Variants in SENP3 observed in about 807,000 individuals in gnomAD.
SENP3 encodes sentrin-specific protease 3.
A neutral mutation model predicts 66.2 loss-of-function variants in SENP3; 11 were observed. The observed-to-expected ratio is 0.17, with a 90% CI of 0.10 to 0.28. The LOEUF (loss-of-function observed/expected upper bound fraction) is 0.28. Among genes scored for constraint, SENP3 ranks in the 10% least tolerant of loss-of-function variants. The probability of loss-of-function intolerance (pLI) is 1.00; values close to 1 mark genes in which losing one functional copy is unlikely to be tolerated. For missense variants in SENP3, 548 were observed against 743.7 expected (o/e 0.74, Z 3.06); for synonymous variants, 292 against 277.6 (o/e 1.05, Z -0.52).
At chr17:7,568,010 C>T (rs545332418) in intron 7 of SENP3, among the ~76,000 whole-genome samples, 8 of 151,066 alleles carry the variant, frequency 5.3e-5, no homozygotes, top group East Asian at 1.9e-4. Context: ...ATAAATTTTA[C>T]GAGTAAAACC....
intron 4 of SENP3, 57 bp downstream of exon 4, chr17:7,565,127 A>C: frequency 7.9e-7 from 1 of 1,272,730 alleles, no homozygotes; most frequent in South Asian, 1.2e-5. Context: ...ATGTGGAGAG[A>C]ATACTGCTGC....
In SENP3 at chr17:7,564,247, A is replaced by G. The variant is rs985556327; in HGVS notation, c.716-378A>G. On this transcript the variant is annotated intron_variant, in intron 2 of 10. Coordinates refer to ENST00000321337, the MANE Select transcript of SENP3 (RefSeq NM_015670.6). ...ATTTCCCTTTCGGAGAACTCCAGCC[A>G]AACAGTTTCAGGCTCTCTAGGTCTT... The G allele has an allele frequency of 1.2e-5, 5 of 403,668 alleles. No homozygotes were observed. The Admixed American group carries it at 1.8e-4, about 15-fold the overall frequency. The allele number at this position is 403,668 out of a possible 1,614,324, so 25.0% of individuals were successfully genotyped here.
intron 6 of SENP3, 71 bp downstream of exon 6, chr17:7,565,835 C>T (rs1225166421): frequency 7.5e-7 from 1 of 1,325,470 alleles, no homozygotes; most frequent in Non-Finnish European, 1.1e-6. Context: ...AAGCTCCTTT[C>T]ATCTCTTTCA....
At chr17:7,565,261 C>T in intron 4 of SENP3, 179 bp from the exon 5 acceptor site, 1 of 834,484 alleles carries the variant, frequency 1.2e-6, no homozygotes, top group Non-Finnish European at 1.9e-6. Context: ...CTGAAATGTT[C>T]TACCTGAGTA....
Position 7,571,382 on chromosome 17 carries a change from C to T in SENP3, c.1624C>T (p.His542Tyr). 6.2e-7 allele frequency: 1 copy of T among 1,613,548 alleles called. No individual in the cohort carries two copies. Among genetic ancestry groups the T allele is most frequent in the South Asian group, 1.1e-5 (1 of 91,074 alleles). The change falls in exon 11 of 11, where the codon CAT becomes TAT. Residue 542 changes from histidine (H) to tyrosine (Y), a missense_variant. By Grantham distance (83) the His-to-Tyr change is moderately conservative. Transcript: ENST00000321337. ...CTTTGTTAACACCCAGTACTGCAAG[C>T]ATCTGGCCCTGTCTCAGCCATTCAG... Reference protein sequence around the residue: ...CGAFVLQYCKHLALSQPFSFT... With the variant: ...CGAFVLQYCKYLALSQPFSFT...
rs770669994 is a variant in SENP3 at position 7,564,699 on chromosome 17, C to G, written c.790C>G (p.Pro264Ala). The G allele has an allele frequency of 1.9e-6, 3 of 1,613,908 alleles. No homozygotes were observed. The highest frequency in any genetic ancestry group is 2.2e-5 in the South Asian group (2 of 91,092). The change falls in exon 3 of 11, where the codon CCT (proline) becomes GCT (alanine). Residue 264 changes from proline (P) to alanine (A), a missense_variant. Pro to Ala is a conservative substitution (Grantham distance 27). Around this residue, in one of 6 missense-constraint regions of SENP3, gnomAD observed 215 missense variants for 230.7 expected, o/e 0.93. Transcript: ENST00000321337. ...GPEGERSLAPPDASILISNVC... is the reference protein window; with the variant it reads ...GPEGERSLAPADASILISNVC... ...AGAAGGGGAGCGCAGCTTGGCACCCCCTGATGCCAGCATCCTCATCAGCAA... is the reference window on the plus strand; with the variant it reads ...AGAAGGGGAGCGCAGCTTGGCACCCGCTGATGCCAGCATCCTCATCAGCAA...
chr17:7,570,538 A>G lies in SENP3; in HGVS notation c.1479+45A>G. On this transcript the variant is annotated intron_variant, in intron 8 of 10. Transcript: ENST00000321337. The surrounding 1 kb of genome is among the most constrained non-coding windows in gnomAD (Gnocchi z 5.4). ...AGATGGGCAAAATGTGGGGCGGTGC[A>G]GTGGCAAGGCATTGCAGGAAGAAGG... 2 of 1,595,690 alleles carry G rather than the reference A, an allele frequency of 1.3e-6. No individual in the cohort carries two copies. Among genetic ancestry groups the G allele is most frequent in the Non-Finnish European group, 1.7e-6 (2 of 1,169,794 alleles).
At chr17:7,564,281 A>G in intron 2 of SENP3, 1 of 426,032 alleles carries the variant, frequency 2.3e-6, no homozygotes, top group Non-Finnish European at 4.4e-6. Flanking sequence ...TTTATTACAT[A>G]TTCTAGTATT....
chr17:7,571,572 C>T lies in SENP3; in HGVS notation c.*89C>T. On this transcript the variant is annotated 3_prime_UTR_variant, in exon 11 of 11. Transcript: ENST00000321337. ...AACTCCAGTTCCTTTCCTCTCTTGC[C>T]TCTTCCCACTCACTTCCCTTTGGTT... is the stretch of plus-strand genomic sequence containing the variant. The T allele has an allele frequency of 3.8e-6, 3 of 789,856 alleles. No individual in the cohort carries two copies. Among genetic ancestry groups the T allele is most frequent in the South Asian group, 1.5e-5 (1 of 65,144 alleles). The allele number at this position is 789,856 out of a possible 1,614,324, so 48.9% of individuals were successfully genotyped here. A position where few individuals can be genotyped will look rare whatever the true frequency, so the allele number is the denominator to read the frequency against.
In SENP3 at chr17:7,571,867, A is replaced by T. The variant is rs1597843918; in HGVS notation, c.*384A>T. ...TATATATATATATATATATATATAT[A>T]TATATATATATATATATATATATAT... On this transcript the variant is annotated 3_prime_UTR_variant, in exon 11 of 11. Transcript: ENST00000321337. 1.0e-3 allele frequency: 5 copies of T among 4,896 alleles called. No individual in the cohort carries two copies. The highest frequency in any genetic ancestry group is 2.9e-3 in the Admixed American group (2 of 680). 0.3% of individuals were successfully genotyped at this position (4,896 alleles called of 1,614,324 possible).
intron 7 of SENP3, among the ~76,000 whole-genome samples, chr17:7,569,251 G>A (rs1253444709): frequency 1.3e-5 from 2 of 151,990 alleles, no homozygotes; most frequent in Non-Finnish European, 2.9e-5. Flanking sequence ...CGGGCGAGGT[G>A]GCACGTGTCT....
chr17:7,571,669 A>T lies in SENP3; in HGVS notation c.*186A>T. The T allele has an allele frequency of 2.0e-6, 1 of 511,848 alleles. No individual in the cohort carries two copies. The highest frequency in any genetic ancestry group is 2.1e-5 in the South Asian group (1 of 47,194). The allele number at this position is 511,848 out of a possible 1,614,324, so 31.7% of individuals were successfully genotyped here. A position where few individuals can be genotyped will look rare whatever the true frequency, so the allele number is the denominator to read the frequency against. ...GAATACTTGTTGATTTCTGATGTGC[A>T]GGGGGTGGCTACAGAAAAGCCCCTT... On this transcript the variant is annotated 3_prime_UTR_variant, in exon 11 of 11. Transcript: ENST00000321337.
chr17:7,570,953 A>G lies in SENP3; in HGVS notation c.1614+20A>G. On this transcript the variant is annotated intron_variant, in intron 10 of 10. Coordinates refer to ENST00000321337, the MANE Select transcript of SENP3 (RefSeq NM_015670.6). The surrounding 1 kb of genome is among the most constrained non-coding windows in gnomAD (Gnocchi z 5.4). ...TTGCAGGTAAGCAGATGATGGGGCC[A>G]CCTCCCCTAGCTCTGAAGTCAGTTG... is the stretch of plus-strand genomic sequence containing the variant. 1 of 1,608,464 alleles carries G rather than the reference A, an allele frequency of 6.2e-7. No homozygotes were observed. The highest frequency in any genetic ancestry group is 8.5e-7 in the Non-Finnish European group (1 of 1,176,682).
At position 7,570,254 on chromosome 17, in the gene SENP3, C is replaced by A; in HGVS notation, c.1342-102C>A. ...CTAGGCCTTGGGTCTTCTGTTCTTT[C>A]ACTTGGTTCCCTTACCTGTGTCTCT... is the stretch of plus-strand genomic sequence containing the variant. On this transcript the variant is annotated intron_variant, in intron 7 of 10. Transcript: ENST00000321337. This position sits in a 1 kb window ranked among gnomAD's most constrained non-coding sequence, Gnocchi z 5.4. 7.0e-7 allele frequency: 1 copy of A among 1,419,070 alleles called. No homozygotes were observed. The highest frequency in any genetic ancestry group is 1.3e-5 in the South Asian group (1 of 75,812). 87.9% of individuals were successfully genotyped at this position (1,419,070 alleles called of 1,614,324 possible). A position where few individuals can be genotyped will look rare whatever the true frequency, so the allele number is the denominator to read the frequency against.
Position 7,562,246 on chromosome 17 carries a change from C to T in SENP3, c.-29C>T, listed in dbSNP as rs1004424644. ...GACGCCCGCCTTCGGGCCCGTCCGCCCGGCTTCCCCGCTCCCGGTGAGGAC... is the reference window on the plus strand; with the variant it reads ...GACGCCCGCCTTCGGGCCCGTCCGCTCGGCTTCCCCGCTCCCGGTGAGGAC... On this transcript the variant is annotated 5_prime_UTR_variant, in exon 1 of 11. Coordinates refer to ENST00000321337, the MANE Select transcript of SENP3 (RefSeq NM_015670.6). The surrounding 1 kb of genome is among the most constrained non-coding windows in gnomAD (Gnocchi z 5.0). The T allele has an allele frequency of 1.0e-5, 4 of 398,352 alleles. No individual in the cohort carries two copies. The highest frequency in any genetic ancestry group is 2.5e-4 in the South Asian group (2 of 7,942). The allele number at this position is 398,352 out of a possible 1,614,324, so 24.7% of individuals were successfully genotyped here. A position where few individuals can be genotyped will look rare whatever the true frequency, so the allele number is the denominator to read the frequency against.
In SENP3 at chr17:7,563,504, C is replaced by T. The variant is rs2071240740; in HGVS notation, c.428C>T (p.Ser143Leu). 16 of 1,550,408 alleles carry T rather than the reference C, an allele frequency of 1.0e-5. No homozygotes were observed. The highest frequency in any genetic ancestry group is 1.4e-5 in the Non-Finnish European group (16 of 1,146,902). Residue 143 changes from serine (S) to leucine (L), a missense_variant, in exon 2 of 11, where the codon TCG becomes TTG. Ser to Leu is a moderately radical substitution (Grantham distance 145). This residue lies in a region of SENP3 where 12 missense variants were observed against 32.5 expected (regional missense o/e 0.37). Transcript: ENST00000321337. ...FRMLLYSKST[S>L]LTFHWKLWGR... ...ATGCTGCTCTACTCAAAAAGCACCTCGCTGACATTCCACTGGAAGCTTTGG... is the reference window on the plus strand; with the variant it reads ...ATGCTGCTCTACTCAAAAAGCACCTTGCTGACATTCCACTGGAAGCTTTGG...
Position 7,563,207 on chromosome 17 carries a change from C to T in SENP3, c.131C>T (p.Ser44Leu). Residue 44 changes from serine to leucine, a missense_variant, in exon 2 of 11, where the codon TCA becomes TTA. Ser to Leu is a moderately radical substitution (Grantham distance 145). Transcript: ENST00000321337. The stretch of plus-strand genomic sequence containing the variant: ...CCACCTCCCAAACCCCGACTCAAGT[C>T]AGGTGGAGGGTTTGGGCCAGATCCT... ...WPPPPKPRLK[S>L]GGGFGPDPGS... 6.4e-7 allele frequency: 1 copy of T among 1,572,540 alleles called. No individual in the cohort carries two copies. The highest frequency in any genetic ancestry group is 1.4e-5 in the African/African-American group (1 of 73,944).
In SENP3 at chr17:7,571,842, TATATATATATATATATATATATA is replaced by T. The variant is rs2071320028; in HGVS notation, c.*360_*382del. 8.5e-3 allele frequency: 169 copies of T among 19,948 alleles called. 25 individuals are homozygous for T. The highest frequency in any genetic ancestry group is 0.014 in the Middle Eastern group (1 of 72). 1.2% of individuals were successfully genotyped at this position (19,948 alleles called of 1,614,324 possible). ...CCTGCCAGATCTTCAAACTTTTATA[TATATATATATATATATATATATA>T]TATATATATATATATATATATATAT... On this transcript the variant is annotated 3_prime_UTR_variant, in exon 11 of 11. Transcript: ENST00000321337.
intron 2 of SENP3, chr17:7,564,293 A>G (rs574785736): frequency 5.7e-4 from 254 of 445,786 alleles, no homozygotes; most frequent in African/African-American, 4.4e-3. Flanking sequence ...TCTAGTATTC[A>G]TTGAGCCTTT....
Sources: gnomAD v4.1 joint callset for allele counts (sites outside exome capture counted in the v4.1 genomes callset) on GRCh38, gnomAD v4.1.1 for gene constraint, gnomAD v4.1.1 regional missense constraint, Gnocchi (gnomAD v3.1) non-coding constraint, MANE v1.5 for transcripts, NCBI Gene and HGNC (gene_info 2026-07-23, HGNC 2026-07-21) for gene names.